The following MAP3K8 variants were observed in gnomAD, a reference collection of about 807,000 sequenced individuals.
MAP3K8 encodes the protein mitogen-activated protein kinase kinase kinase 8, also known as Ewing sarcoma transformant.
A neutral mutation model predicts 45.8 loss-of-function variants in MAP3K8; 22 were observed. That is an observed-to-expected ratio of 0.48 (90% CI 0.34 to 0.69). The LOEUF (loss-of-function observed/expected upper bound fraction) is 0.69, where lower values mean the gene tolerates loss of function less well. Among genes scored for constraint, MAP3K8 ranks in the 30% least tolerant of loss-of-function variants. The probability of loss-of-function intolerance (pLI) is 0.01; values close to 1 mark genes in which losing one functional copy is unlikely to be tolerated. For missense variants in MAP3K8, 419 were observed against 585.0 expected (o/e 0.72, Z 2.93); for synonymous variants, 223 against 214.3 (o/e 1.04, Z -0.36).
intron 6 of MAP3K8, among the ~76,000 whole-genome samples, chr10:30,457,809 G>C (rs1336656699): frequency 2.6e-5 from 4 of 152,100 alleles, no homozygotes; most frequent in Admixed American, 6.5e-5. Context: ...ACCATGCCCA[G>C]CTGATTTTTG....
chr10:30,450,806 G>C (rs974494546), intron 5 of MAP3K8, among the ~76,000 whole-genome samples: 20 of 151,860 alleles, frequency 1.3e-4, no homozygotes, highest in African/African-American at 4.9e-4. Context: ...TTTAGGCTGG[G>C]CACGGTGGCT....
chr10:30,458,766 A>G (rs573064334), intron 7 of MAP3K8, among the ~76,000 whole-genome samples: 1 of 152,284 alleles, frequency 6.6e-6, no homozygotes, highest in African/African-American at 2.4e-5. Flanking sequence ...GATGGGTTTA[A>G]CCTGGTATCC....
Position 30,459,492 on chromosome 10 carries a change from A to G in MAP3K8, c.1264A>G (p.Asn422Asp). 1 of 1,613,672 alleles carries G rather than the reference A, an allele frequency of 6.2e-7. No individual in the cohort carries two copies. The highest frequency in any genetic ancestry group is 8.5e-7 in the Non-Finnish European group (1 of 1,179,998). ...TAGGAAGGAGCTGGAACTTCCTGAGAACATTGCTGGTAGGGACACCCTGCT... is the reference window on the plus strand; with the variant it reads ...TAGGAAGGAGCTGGAACTTCCTGAGGACATTGCTGGTAGGGACACCCTGCT... ...LSRKELELPE[N>D]IADSSCTGST... The change falls in exon 8 of 9, where the codon AAC (asparagine) becomes GAC (aspartate). Residue 422 changes from asparagine to aspartate, a missense_variant. Coordinates refer to ENST00000263056, the MANE Select transcript of MAP3K8 (RefSeq NM_005204.4).
At chr10:30,453,652 G>A (rs984249708) in intron 6 of MAP3K8, among the ~76,000 whole-genome samples, 2 of 152,254 alleles carry the variant, frequency 1.3e-5, no homozygotes, top group East Asian at 3.9e-4. Flanking sequence ...AAGGCAGTGA[G>A]GAGCAAGCCT....
chr10:30,441,178 A>G (rs8176976), intron 3 of MAP3K8, among the ~76,000 whole-genome samples: 6 of 146,022 alleles, frequency 4.1e-5, no homozygotes, highest in African/African-American at 1.4e-4. Flanking sequence ...TTTTTTTGAG[A>G]CAGAGTCTCG....
At chr10:30,436,699 A>T (rs1002317943) in intron 1 of MAP3K8, among the ~76,000 whole-genome samples, 10 of 95,896 alleles carry the variant, frequency 1.0e-4, no homozygotes, top group Admixed American at 1.0e-4. Flanking sequence ...CTACTACTAT[A>T]AAAAAAAAAA....
At chr10:30,440,535 A>G (rs755238708) in intron 3 of MAP3K8, among the ~76,000 whole-genome samples, 3 of 152,226 alleles carry the variant, frequency 2.0e-5, no homozygotes, top group Non-Finnish European at 2.9e-5. Flanking sequence ...ATGGAGCAAG[A>G]TAATATTTTG....
At chr10:30,449,707 G>A (rs1250112261) in intron 4 of MAP3K8, among the ~76,000 whole-genome samples, 1 of 151,976 alleles carries the variant, frequency 6.6e-6, no homozygotes, top group Middle Eastern at 3.2e-3. Flanking sequence ...ACGGGGTTTC[G>A]ACATGTTGGC....
rs141957790 is a variant in MAP3K8 at position 30,436,391 on chromosome 10, G to C, written c.-254-785G>C. On this transcript the variant is annotated intron_variant, in intron 1 of 8. Transcript: ENST00000263056. ...CGTAGATTTGCGTGACAGGGGCCCT[G>C]TGTTGCTAAGGAATTACTGCAGGCA... Among the ~76,000 whole-genome samples the C allele has an allele frequency of 4.1e-3, 624 of 152,256 alleles. 6 individuals are homozygous for C. The highest frequency in any genetic ancestry group is 0.013 in the African/African-American group (546 of 41,540).
intron 7 of MAP3K8, 63 bp from the exon 8 acceptor site, chr10:30,459,192 T>C: frequency 4.4e-6 from 7 of 1,591,680 alleles, no homozygotes; most frequent in Non-Finnish European, 6.0e-6. Context: ...GGTACTAGCA[T>C]GCTTTTGCTG....
In MAP3K8 at chr10:30,450,309, C is replaced by A. The variant is rs761970221; in HGVS notation, c.556C>A (p.Arg186=). The A allele has an allele frequency of 1.2e-5, 20 of 1,611,524 alleles. No individual in the cohort carries two copies. Among genetic ancestry groups the A allele is most frequent in the Non-Finnish European group, 1.6e-5 (19 of 1,178,222 alleles). The change falls in exon 5 of 9, where the codon CGG becomes AGG. Residue 186 remains arginine (R), a synonymous_variant. Transcript: ENST00000263056. ...TGATGTGGAAATCCAGGCTTGCTTC[C>A]GGCACGAGAACATCGCAGAGCTGTA... ...PSDVEIQACF[R]HENIAELYGA...
At chr10:30,444,104 C>T (rs909168086) in intron 3 of MAP3K8, among the ~76,000 whole-genome samples, 4 of 151,656 alleles carry the variant, frequency 2.6e-5, no homozygotes, top group African/African-American at 9.7e-5. Flanking sequence ...ATGGGAGGAT[C>T]ACTTGAGTCT....
intron 3 of MAP3K8, among the ~76,000 whole-genome samples, chr10:30,442,811 G>A (rs1836159479): frequency 6.6e-6 from 1 of 152,154 alleles, no homozygotes; most frequent in East Asian, 1.9e-4. Context: ...GAGAGCTGAA[G>A]ATGTTCCTTA....
chr10:30,452,457 G>T (rs773769796), intron 6 of MAP3K8, among the ~76,000 whole-genome samples: 8 of 150,044 alleles, frequency 5.3e-5, no homozygotes, highest in Non-Finnish European at 8.9e-5. Flanking sequence ...CAACAAGAGT[G>T]AAACTCCATC....
At chr10:30,447,046 CA>C (rs1189714887) in intron 3 of MAP3K8, among the ~76,000 whole-genome samples, 1 of 152,182 alleles carries the variant, frequency 6.6e-6, no homozygotes, top group East Asian at 1.9e-4. Context: ...CCACTGCTCC[CA>C]GCTGTCTCTC....
intron 6 of MAP3K8, among the ~76,000 whole-genome samples, chr10:30,457,731 C>T (rs569758226): frequency 2.6e-5 from 4 of 152,204 alleles, no homozygotes; most frequent in South Asian, 4.1e-4. Flanking sequence ...CAGCAGCCTC[C>T]GCCTTCCGAG....
intron 3 of MAP3K8, among the ~76,000 whole-genome samples, chr10:30,446,922 AT>A (rs1165284314): frequency 6.6e-6 from 1 of 151,826 alleles, no homozygotes; most frequent in East Asian, 1.9e-4. Flanking sequence ...TTGTGTTTTT[AT>A]TTTTTTCTGT....
rs8176960 is a variant in MAP3K8 at position 30,436,857 on chromosome 10, T to A, written c.-254-319T>A. 7.4e-3 allele frequency among the ~76,000 whole-genome samples: 1,129 copies of A among 151,818 alleles called. 15 individuals are homozygous for A. The highest frequency in any genetic ancestry group is 0.026 in the African/African-American group (1,082 of 41,360). ...TGTTTGATAAATAAGTCCAGGAGAC[T>A]TGGATCCTTTCAACCCCTGAGGCCC... On this transcript the variant is annotated intron_variant, in intron 1 of 8. Coordinates refer to ENST00000263056, the MANE Select transcript of MAP3K8 (RefSeq NM_005204.4).
Position 30,447,838 on chromosome 10 carries a change from C to G in MAP3K8, c.393C>G (p.Pro131=). Reference sequence around the variant, plus strand: ...TAGATTCCGATGTTCTCCTGATCCCCTGGAAGCTGACTTACAGGAATATTG... The same window carrying G: ...TAGATTCCGATGTTCTCCTGATCCCGTGGAAGCTGACTTACAGGAATATTG... ...YQIDSDVLLI[P]WKLTYRNIGS... The change falls in exon 4 of 9, where the codon CCC becomes CCG. Residue 131 remains proline (P), a synonymous_variant. Transcript: ENST00000263056. The G allele has an allele frequency of 2.5e-6, 4 of 1,613,980 alleles. No homozygotes were observed. Among genetic ancestry groups the G allele is most frequent in the Non-Finnish European group, 3.4e-6 (4 of 1,179,898 alleles).
Sources: allele counts gnomAD v4.1 joint callset (sites outside exome capture counted in the v4.1 genomes callset), GRCh38; gene constraint gnomAD v4.1.1; transcripts MANE v1.5; gene names NCBI Gene and HGNC (gene_info 2026-07-23, HGNC 2026-07-21).